Variants in GABRG2 observed in about 807,000 individuals in gnomAD.
GABRG2 encodes gamma-aminobutyric acid receptor subunit gamma-2.
GABRG2 carries 16 observed loss-of-function variants against 56.4 expected under a neutral mutation model. The ratio of observed to expected loss-of-function variants is 0.28; its 90% CI spans 0.19 to 0.43. GABRG2 has a LOEUF of 0.43. Ranked by LOEUF, GABRG2 falls within the 20% of genes least tolerant of loss-of-function variation. The pLI is 1.00. For synonymous variants in GABRG2, 208 were observed against 205.5 expected (o/e 1.01, Z -0.10); for missense variants, 327 against 582.7 (o/e 0.56, Z 4.52).
At chr5:162,097,945 A>G (rs1279899647) in intron 4 of GABRG2, 87 bp downstream of exon 4, 2 of 1,150,646 alleles carry the variant, frequency 1.7e-6, no homozygotes, top group Non-Finnish European at 2.6e-6. Flanking sequence ...AAAGAAAAAA[A>G]AAAAAGGAAA....
chr5:162,090,325 CCATACACATACA>C (rs10672843), intron 1 of GABRG2, among the ~76,000 whole-genome samples: 7 of 150,832 alleles, frequency 4.6e-5, no homozygotes, highest in South Asian at 2.1e-4. Flanking sequence ...CATACACATA[CCATACACATACA>C]CATACACATA....
In GABRG2 at chr5:162,142,530, A is replaced by G. The variant is rs1764650364; in HGVS notation, c.922+214A>G. On this transcript the variant is annotated intron_variant, in intron 7 of 9. Transcript: ENST00000639213. ...TCCATCAATGATAGACTGGATTAAG[A>G]AAATGTGGCACATATACACCATGGA... 7 of 499,280 alleles carry G rather than the reference A, an allele frequency of 1.4e-5. No individual in the cohort carries two copies. In the Admixed American group the frequency reaches 1.9e-4, roughly 14 times the overall value. 30.9% of individuals were successfully genotyped at this position (499,280 alleles called of 1,614,324 possible).
chr5:162,072,052 T>G (rs1272075908), intron 1 of GABRG2, among the ~76,000 whole-genome samples: 1 of 151,998 alleles, frequency 6.6e-6, no homozygotes, highest in Non-Finnish European at 1.5e-5. Flanking sequence ...ATTTAAATAA[T>G]GAGTTATATA....
intron 6 of GABRG2, among the ~76,000 whole-genome samples, chr5:162,109,389 A>ATATATATATATATATATATATAT (rs1554098562): frequency 8.6e-6 from 1 of 116,266 alleles, no homozygotes; most frequent in African/African-American, 3.8e-5. Context: ...CTTAAAGTAT[A>ATATATATATATATATATATATAT]ATATATATAT....
chr5:162,070,777 T>G (rs556225417), intron 1 of GABRG2, among the ~76,000 whole-genome samples: 1 of 152,084 alleles, frequency 6.6e-6, no homozygotes, highest in East Asian at 1.9e-4. Context: ...CCTGGGGAAC[T>G]TACTAAAATG....
chr5:162,103,582 T>G, intron 5 of GABRG2: 1 of 371,766 alleles, frequency 2.7e-6, no homozygotes, highest in South Asian at 2.4e-5. Context: ...TCACTTGGTA[T>G]GCACTATTCC....
chr5:162,102,049 T>G (rs543522011), intron 5 of GABRG2: 9 of 156,474 alleles, frequency 5.8e-5, no homozygotes, highest in African/African-American at 2.2e-4. Flanking sequence ...ATTATAGATT[T>G]TAAAAGTATG....
At position 162,096,292 on chromosome 5, in the gene GABRG2, G is replaced by A. The variant is rs182042034; in HGVS notation, c.327+730G>A. ...AACTTCTTTATAACCATAATTCTCA[G>A]AATATTTAGAGTTCTGAAATAAATT... On this transcript the variant is annotated intron_variant, in intron 3 of 9. Coordinates refer to ENST00000639213, the MANE Select transcript of GABRG2 (RefSeq NM_198904.4). 6.1e-4 allele frequency among the ~76,000 whole-genome samples: 93 copies of A among 152,028 alleles called. 1 individual carries two copies. The highest frequency in any genetic ancestry group is 2.0e-3 in the African/African-American group (85 of 41,486).
At chr5:162,108,636 T>G (rs1408229021) in intron 6 of GABRG2, among the ~76,000 whole-genome samples, 1 of 152,168 alleles carries the variant, frequency 6.6e-6, no homozygotes, top group Non-Finnish European at 1.5e-5. Context: ...CTTTGCCATT[T>G]ACTAGTGGTG....
chr5:162,120,324 A>G (rs571194870), intron 6 of GABRG2, among the ~76,000 whole-genome samples: 1 of 152,208 alleles, frequency 6.6e-6, no homozygotes, highest in South Asian at 2.1e-4. Flanking sequence ...ATCTTCCCTC[A>G]TTCTCTCAGG....
chr5:162,144,442 A>C lies in GABRG2; in HGVS notation c.922+2126A>C, dbSNP rs1011254444. ...ACTGGCAAAGGATCATGGTGGAAGAAGGGATCAAAGTGAGTGAGTTTTGGA... is the reference window on the plus strand; with the variant it reads ...ACTGGCAAAGGATCATGGTGGAAGACGGGATCAAAGTGAGTGAGTTTTGGA... On this transcript the variant is annotated intron_variant, in intron 7 of 9. Coordinates refer to ENST00000639213, the MANE Select transcript of GABRG2 (RefSeq NM_198904.4). 3.3e-5 allele frequency among the ~76,000 whole-genome samples: 5 copies of C among 152,222 alleles called. 1 individual carries two copies. Among genetic ancestry groups the C allele is most frequent in the African/African-American group, 1.2e-4 (5 of 41,460 alleles).
chr5:162,151,226 GA>G (rs1285487314), intron 8 of GABRG2: 1 of 154,672 alleles, frequency 6.5e-6, no homozygotes, highest in Non-Finnish European at 1.4e-5. Context: ...AAAAATTTGA[GA>G]AAATGAAATT....
intron 7 of GABRG2, among the ~76,000 whole-genome samples, chr5:162,148,698 T>C (rs1302881184): frequency 6.6e-6 from 1 of 152,152 alleles, no homozygotes; most frequent in African/African-American, 2.4e-5. Context: ...AAAAGGTTAG[T>C]TTCTTCTTAC....
intron 1 of GABRG2, among the ~76,000 whole-genome samples, chr5:162,091,139 T>A (rs775319565): frequency 2.0e-5 from 3 of 152,102 alleles, no homozygotes; most frequent in Non-Finnish European, 4.4e-5. Context: ...GCCATTATTT[T>A]TCTTCCTGAA....
chr5:162,077,394 C>A (rs1208151603), intron 1 of GABRG2, among the ~76,000 whole-genome samples: 1 of 151,862 alleles, frequency 6.6e-6, no homozygotes, highest in African/African-American at 2.4e-5. Context: ...GTGCATTTAC[C>A]CAGTATCCCC....
At chr5:162,105,418 A>G (rs996938558) in intron 6 of GABRG2, among the ~76,000 whole-genome samples, 5 of 147,294 alleles carry the variant, frequency 3.4e-5, no homozygotes, top group African/African-American at 7.5e-5. Context: ...ACCATCAAGT[A>G]TTAGTAGAAC....
intron 2 of GABRG2, chr5:162,094,710 G>C (rs747903316): frequency 6.6e-6 from 1 of 152,384 alleles, no homozygotes; most frequent in East Asian, 1.9e-4. Context: ...CGGTTATAGA[G>C]AATTCAGTCC....
intron 7 of GABRG2, among the ~76,000 whole-genome samples, chr5:162,147,955 G>C (rs1447645608): frequency 6.6e-6 from 1 of 152,190 alleles, no homozygotes; most frequent in Non-Finnish European, 1.5e-5. Flanking sequence ...CCACAGATGA[G>C]AAAACTGAGG....
At chr5:162,079,971 C>T (rs547707985) in intron 1 of GABRG2, among the ~76,000 whole-genome samples, 5 of 152,064 alleles carry the variant, frequency 3.3e-5, no homozygotes, top group South Asian at 2.1e-4. Context: ...AACCCATAAA[C>T]GCACATGATT....
Sources: gnomAD v4.1 joint callset for allele counts (sites outside exome capture counted in the v4.1 genomes callset) on GRCh38, gnomAD v4.1.1 for gene constraint, MANE v1.5 for transcripts, NCBI Gene and HGNC (gene_info 2026-07-23, HGNC 2026-07-21) for gene names.